Variants in PHYHIPL observed in about 807,000 individuals in gnomAD.
The protein encoded by PHYHIPL is phytanoyl-CoA 2-hydroxylase interacting protein like.
In PHYHIPL, 9 loss-of-function variants were observed where a neutral mutation model predicts 33.4. The observed-to-expected ratio is 0.27, with a 90% CI of 0.16 to 0.47. The LOEUF is 0.47. Ranked by LOEUF, PHYHIPL falls within the 20% of genes least tolerant of loss-of-function variation. The probability of loss-of-function intolerance (pLI) is 0.99; values close to 1 mark genes in which losing one functional copy is unlikely to be tolerated. For synonymous variants in PHYHIPL, 153 were observed against 154.1 expected (o/e 0.99, Z 0.05); for missense variants, 365 against 460.7 (o/e 0.79, Z 1.90).
intron 1 of PHYHIPL, among the ~76,000 whole-genome samples, chr10:59,200,193 T>G (rs1325325603): frequency 6.6e-6 from 1 of 152,200 alleles, no homozygotes; most frequent in Non-Finnish European, 1.5e-5. Context: ...GGCTGTGAGT[T>G]TGTCATAAAC....
chr10:59,218,201 T>C (rs1380012646), intron 1 of PHYHIPL, among the ~76,000 whole-genome samples: 2 of 152,106 alleles, frequency 1.3e-5, no homozygotes, highest in African/African-American at 4.8e-5. Flanking sequence ...TATACAACTT[T>C]GGATGCTATA....
At chr10:59,191,526 A>G (rs1179772577) in intron 1 of PHYHIPL, among the ~76,000 whole-genome samples, 3 of 151,994 alleles carry the variant, frequency 2.0e-5, no homozygotes, top group African/African-American at 4.8e-5. Flanking sequence ...CAGCAACCAT[A>G]TCACTATTTT....
intron 1 of PHYHIPL, among the ~76,000 whole-genome samples, chr10:59,224,810 T>C (rs1269204759): frequency 6.6e-6 from 1 of 152,160 alleles, no homozygotes; most frequent in Non-Finnish European, 1.5e-5. Flanking sequence ...CTTATTTTTG[T>C]TGAAATTTTG....
At chr10:59,234,188 A>G (rs1049772210) in intron 1 of PHYHIPL, 116 bp from the exon 2 acceptor site, 89 of 764,600 alleles carry the variant, frequency 1.2e-4, no homozygotes, top group Non-Finnish European at 1.7e-4. Flanking sequence ...GGAAAAAGTA[A>G]AGATGATAAG....
intron 4 of PHYHIPL, 50 bp downstream of exon 4, chr10:59,238,755 A>G: frequency 1.6e-6 from 2 of 1,239,842 alleles, no homozygotes; most frequent in Non-Finnish European, 2.3e-6. Flanking sequence ...ATAGTTTCAA[A>G]TTCTAGGCTC....
At chr10:59,187,587 T>C (rs1006559269) in intron 1 of PHYHIPL, among the ~76,000 whole-genome samples, 1 of 152,184 alleles carries the variant, frequency 6.6e-6, no homozygotes, top group Admixed American at 6.5e-5. Context: ...TGCGAATCCA[T>C]CTGGTCCTGG....
At chr10:59,223,160 G>C (rs970932489) in intron 1 of PHYHIPL, among the ~76,000 whole-genome samples, 1 of 152,192 alleles carries the variant, frequency 6.6e-6, no homozygotes, top group Non-Finnish European at 1.5e-5. Flanking sequence ...TGTGATAAAT[G>C]TTCAGAGGTT....
intron 1 of PHYHIPL, among the ~76,000 whole-genome samples, chr10:59,186,339 A>G (rs1001289470): frequency 2.6e-5 from 4 of 152,244 alleles, no homozygotes; most frequent in Non-Finnish European, 5.9e-5. Context: ...CTGTTTTGGT[A>G]CCAGTACCAT....
At chr10:59,235,213 G>A (rs1249406752) in intron 2 of PHYHIPL, among the ~76,000 whole-genome samples, 5 of 151,532 alleles carry the variant, frequency 3.3e-5, no homozygotes, top group African/African-American at 1.2e-4. Context: ...AAATTTTTTT[G>A]TCTTTTGCTT....
At chr10:59,222,896 T>G (rs1027388372) in intron 1 of PHYHIPL, among the ~76,000 whole-genome samples, 1 of 152,178 alleles carries the variant, frequency 6.6e-6, no homozygotes, top group Non-Finnish European at 1.5e-5. Context: ...CCAGATGTAT[T>G]AGATGTTTTA....
At chr10:59,237,611 T>C (rs1840263937) in intron 3 of PHYHIPL, among the ~76,000 whole-genome samples, 2 of 151,926 alleles carry the variant, frequency 1.3e-5, no homozygotes, top group Admixed American at 6.6e-5. Context: ...AAGTTGACTT[T>C]TAATCTGAAC....
rs1840696172 is a variant in PHYHIPL at position 59,246,235 on chromosome 10, A to C, written c.*644A>C. On this transcript the variant is annotated 3_prime_UTR_variant, in exon 5 of 5. Transcript: ENST00000373880. ...ATAGCAACTGTGTACATGTCACGAA[A>C]CCATTTCCCTTATCAAAGATGTAAT... 1 of 155,362 alleles carries C rather than the reference A, an allele frequency of 6.4e-6. No individual in the cohort carries two copies. The highest frequency in any genetic ancestry group is 2.4e-5 in the African/African-American group (1 of 41,600). The allele number at this position is 155,362 out of a possible 1,614,324, so 9.6% of individuals were successfully genotyped here.
At chr10:59,186,366 T>C (rs1838602458) in intron 1 of PHYHIPL, among the ~76,000 whole-genome samples, 1 of 152,232 alleles carries the variant, frequency 6.6e-6, no homozygotes, top group Admixed American at 6.5e-5. Context: ...TTGGTTACCG[T>C]AGCCTTGTAG....
intron 4 of PHYHIPL, among the ~76,000 whole-genome samples, chr10:59,238,971 C>T (rs1166482214): frequency 1.3e-5 from 2 of 151,840 alleles, no homozygotes; most frequent in East Asian, 1.9e-4. Context: ...GTATTTAGAT[C>T]GATGAGCATT....
chr10:59,197,441 G>A (rs1838950115), intron 1 of PHYHIPL, among the ~76,000 whole-genome samples: 1 of 151,992 alleles, frequency 6.6e-6, no homozygotes, highest in African/African-American at 2.4e-5. Flanking sequence ...AGGGTCATTT[G>A]GTTTTGGCAT....
chr10:59,183,047 T>C (rs1838455119), intron 1 of PHYHIPL, among the ~76,000 whole-genome samples: 2 of 152,192 alleles, frequency 1.3e-5, no homozygotes, highest in South Asian at 2.1e-4. Flanking sequence ...CTCATAGATA[T>C]TGTTTTACCA....
intron 1 of PHYHIPL, among the ~76,000 whole-genome samples, chr10:59,178,079 T>C (rs1482944240): frequency 6.6e-6 from 1 of 152,206 alleles, no homozygotes; most frequent in Non-Finnish European, 1.5e-5. Context: ...AGAGGTCTTG[T>C]TTCCAAAGTC....
intron 1 of PHYHIPL, among the ~76,000 whole-genome samples, chr10:59,208,951 T>C (rs141138593): frequency 0.011 from 1,685 of 152,212 alleles, 28 homozygotes; most frequent in South Asian, 0.052. Flanking sequence ...CTACATTTGA[T>C]TGGTGTACCT....
At chr10:59,195,517 G>C (rs773789479) in intron 1 of PHYHIPL, among the ~76,000 whole-genome samples, 3 of 152,158 alleles carry the variant, frequency 2.0e-5, no homozygotes, top group Non-Finnish European at 4.4e-5. Flanking sequence ...TGTTTCTTCA[G>C]ATTCACCTCT....
Sources: allele counts gnomAD v4.1 joint callset (sites outside exome capture counted in the v4.1 genomes callset), GRCh38; gene constraint gnomAD v4.1.1; transcripts MANE v1.5; gene names NCBI Gene and HGNC (gene_info 2026-07-23, HGNC 2026-07-21).